Variants in SLC22A16 observed in about 807,000 individuals in gnomAD.
SLC22A16 encodes WUGSC:RG331P03.1.
SLC22A16 carries 53 observed loss-of-function variants against 52.9 expected under a neutral mutation model. The observed-to-expected ratio is 1.00, with a 90% confidence interval of 0.80 to 1.26. SLC22A16 has a LOEUF of 1.26. Among genes scored for constraint, SLC22A16 ranks in the 50% most tolerant of loss-of-function variants. SLC22A16 has a pLI of 0.00. For missense variants in SLC22A16, 726 were observed against 704.0 expected, an observed-to-expected ratio of 1.03 and a Z score of -0.35; for synonymous variants, 291 against 268.8, an observed-to-expected ratio of 1.08 and a Z score of -0.81.
chr6:110,461,266 A>G (rs1304514404), intron 1 of SLC22A16, among the ~76,000 whole-genome samples: 2 of 152,180 alleles, frequency 1.3e-5, no homozygotes, highest in Non-Finnish European at 2.9e-5. Flanking sequence ...GGTAGCCACA[A>G]TCGAAGCCTT....
chr6:110,475,861 G>C (rs1248116490), intron 1 of SLC22A16: 1 of 453,498 alleles, frequency 2.2e-6, no homozygotes, highest in Non-Finnish European at 4.4e-6. Flanking sequence ...GAGGTTAAAC[G>C]TGGTTCCACC....
chr6:110,442,476 T>C lies in SLC22A16; in HGVS notation c.951A>G (p.Ala317=). The C allele has an allele frequency of 6.2e-7, 1 of 1,614,232 alleles. No individual in the cohort carries two copies. Among genetic ancestry groups the C allele is most frequent in the South Asian group, 1.1e-5 (1 of 91,084 alleles). Reference sequence around the variant, plus strand: ...AAAGTTCTGACAGTTTACAGGAGCTTGCCCTGTTCCACTTGGCCATGATGT... The same window carrying C: ...AAAGTTCTGACAGTTTACAGGAGCTCGCCCTGTTCCACTTGGCCATGATGT... ...IVDIMAKWNR[A]SSCKLSELLS... The change falls in exon 4 of 8, where the codon GCA becomes GCG. Residue 317 remains alanine, a synonymous_variant. Transcript: ENST00000368919.
chr6:110,473,556 G>A (rs558362492), intron 1 of SLC22A16, among the ~76,000 whole-genome samples: 1 of 117,248 alleles, frequency 8.5e-6, no homozygotes, highest in African/African-American at 3.6e-5. Context: ...ACGGAATCTC[G>A]TTCTGTCGCC....
At chr6:110,457,155 T>C in intron 1 of SLC22A16, 138 bp from the exon 2 acceptor site, 1 of 855,696 alleles carries the variant, frequency 1.2e-6, no homozygotes, top group Non-Finnish European at 1.7e-6. Flanking sequence ...TAGACATATT[T>C]ATATCTGTGG....
chr6:110,427,104 C>T (rs1400159246), intron 7 of SLC22A16, among the ~76,000 whole-genome samples: 1 of 151,154 alleles, frequency 6.6e-6, no homozygotes, highest in Non-Finnish European at 1.5e-5. Flanking sequence ...AAAAATTAGC[C>T]AGGTGTGGGG....
chr6:110,473,042 G>T (rs1776313228), intron 1 of SLC22A16, among the ~76,000 whole-genome samples: 1 of 152,196 alleles, frequency 6.6e-6, no homozygotes, highest in South Asian at 2.1e-4. Context: ...CCATGAGCAA[G>T]ATCCTTAGCC....
chr6:110,442,360 G>T lies in SLC22A16; in HGVS notation c.1067C>A (p.Thr356Lys). 4 of 1,614,148 alleles carry T rather than the reference G, an allele frequency of 2.5e-6. No homozygotes were observed. The highest frequency in any genetic ancestry group is 2.5e-6 in the Non-Finnish European group (3 of 1,180,020). ...TAGCCAAACGGTAAGTGTCCTTTTC[G>T]TAATGCTCCAGTTATAAAACAGATA... ...LSYLFYNWSI[T>K]KRTLTVWLIW... Residue 356 changes from threonine (T) to lysine (K), a missense_variant, in exon 4 of 8, where the codon ACG becomes AAG. By Grantham distance (78) the Thr-to-Lys change is moderately conservative. Coordinates refer to ENST00000368919, the MANE Select transcript of SLC22A16 (RefSeq NM_033125.4).
chr6:110,447,454 G>A (rs565978355), intron 2 of SLC22A16, among the ~76,000 whole-genome samples: 1 of 152,200 alleles, frequency 6.6e-6, no homozygotes, highest in East Asian at 1.9e-4. Context: ...AATTGAAAGA[G>A]GCATCTCTTT....
At chr6:110,454,808 TATTA>T (rs200282570) in intron 2 of SLC22A16, among the ~76,000 whole-genome samples, 998 of 63,700 alleles carry the variant, frequency 0.016, 105 homozygotes, top group African/African-American at 0.043. Flanking sequence ...ATAATATATA[TATTA>T]TATATGTTAT....
At position 110,446,872 on chromosome 6, in the gene SLC22A16, C is replaced by A. The variant is rs762086746; in HGVS notation, c.651+1G>T. ...TTAAAGAAGTAAAAAACACAACTCA[C>A]CATGGCAAGAAAAAAGCGAGCAGCC... On this transcript the variant is annotated splice_donor_variant, in intron 3 of 7. Transcript: ENST00000368919. LOFTEE classifies it high-confidence loss of function. 2 of 1,607,842 alleles carry A rather than the reference C, an allele frequency of 1.2e-6. No homozygotes were observed. The highest frequency in any genetic ancestry group is 2.2e-5 in the South Asian group (2 of 89,526).
At chr6:110,460,181 G>T (rs1319369454) in intron 1 of SLC22A16, among the ~76,000 whole-genome samples, 1 of 152,102 alleles carries the variant, frequency 6.6e-6, no homozygotes, top group Non-Finnish European at 1.5e-5. Flanking sequence ...GCATCCTGAT[G>T]CTCCCTCTCA....
chr6:110,472,184 G>A (rs1373226337), intron 1 of SLC22A16, among the ~76,000 whole-genome samples: 4 of 152,136 alleles, frequency 2.6e-5, no homozygotes, highest in African/African-American at 9.7e-5. Context: ...TCCAGGGCAT[G>A]GGACATGGGG....
intron 6 of SLC22A16, among the ~76,000 whole-genome samples, chr6:110,433,649 C>T (rs1774597684): frequency 6.6e-6 from 1 of 152,162 alleles, no homozygotes; most frequent in African/African-American, 2.4e-5. Flanking sequence ...TAATAAGTTT[C>T]CTGTGAAAAA....
At chr6:110,438,944 C>T in intron 4 of SLC22A16, 97 bp from the exon 5 acceptor site, 1 of 1,467,416 alleles carries the variant, frequency 6.8e-7, no homozygotes, top group East Asian at 2.3e-5. Context: ...ATGAGCAGCC[C>T]TCTCCTCACT....
intron 7 of SLC22A16, among the ~76,000 whole-genome samples, chr6:110,425,536 G>C (rs915680034): frequency 1.3e-5 from 2 of 152,120 alleles, no homozygotes; most frequent in Non-Finnish European, 2.9e-5. Context: ...ACACTATCAG[G>C]GTTCAGTAAA....
At chr6:110,449,136 A>G (rs571892608) in intron 2 of SLC22A16, among the ~76,000 whole-genome samples, 1 of 151,958 alleles carries the variant, frequency 6.6e-6, no homozygotes, top group African/African-American at 2.4e-5. Context: ...TTCTGAGCTC[A>G]TTTTGCAGTC....
intron 3 of SLC22A16, among the ~76,000 whole-genome samples, chr6:110,443,876 A>G (rs1331224291): frequency 6.6e-6 from 1 of 152,230 alleles, no homozygotes; most frequent in East Asian, 1.9e-4. Context: ...AAAGACAACT[A>G]TCATATGATT....
chr6:110,473,609 C>T (rs1776345558), intron 1 of SLC22A16, among the ~76,000 whole-genome samples: 1 of 145,486 alleles, frequency 6.9e-6, no homozygotes, highest in African/African-American at 2.6e-5. Context: ...ACTGCAAGCT[C>T]TGCCTCCTGG....
At chr6:110,439,481 T>G (rs182154453) in intron 4 of SLC22A16, among the ~76,000 whole-genome samples, 1 of 152,164 alleles carries the variant, frequency 6.6e-6, no homozygotes. Flanking sequence ...TCTATAAACT[T>G]GTTAGTTTGC....
Sources: gnomAD v4.1 joint callset for allele counts (sites outside exome capture counted in the v4.1 genomes callset) on GRCh38, gnomAD v4.1.1 for gene constraint, MANE v1.5 for transcripts, NCBI Gene and HGNC (gene_info 2026-07-23, HGNC 2026-07-21) for gene names.